MGA: variants seen among roughly 807,000 people sequenced by gnomAD.
MGA encodes the protein MAX dimerization protein MGA, also known as MAX gene-associated protein.
Under a neutral mutation model 261.1 loss-of-function variants are expected in MGA, and 40 were observed. The observed-to-expected ratio is 0.15, with a 90% CI of 0.12 to 0.20. The LOEUF is 0.20. MGA is among the 10% of genes least tolerant of loss of function. MGA has a pLI of 1.00. For synonymous variants in MGA, 1,302 were observed against 1,290.6 expected, an observed-to-expected ratio of 1.01 and a Z score of -0.19; for missense variants, 3,397 against 3,630.5, an observed-to-expected ratio of 0.94 and a Z score of 1.65.
chr15:41,656,344 T>C (rs869271141), upstream of MGA, among the ~76,000 whole-genome samples: 83 of 60,008 alleles, frequency 1.4e-3, 3 homozygotes, highest in African/African-American at 3.6e-3. Flanking sequence ...CTCTCCTCTC[T>C]TCTCTCTCTC....
chr15:41,743,055 G>A lies in MGA; in HGVS notation c.5095G>A (p.Val1699Ile), dbSNP rs776600960. 5.6e-5 allele frequency: 91 copies of A among 1,613,890 alleles called. No homozygotes were observed. The East Asian group carries it at 1.9e-3, about 34-fold the overall frequency. The change falls in exon 15 of 24, where the codon GTC becomes ATC. Residue 1699 changes from valine to isoleucine, a missense_variant. Physicochemically the swap from Val to Ile is conservative, Grantham distance 29. Coordinates refer to ENST00000219905, the MANE Select transcript of MGA (RefSeq NM_001164273.2). ...TGCTTCCACTGCTTCCACCTCCTTAGTCGTGGTGACTGCAGCTGCATCTTC... is the reference window on the plus strand; with the variant it reads ...TGCTTCCACTGCTTCCACCTCCTTAATCGTGGTGACTGCAGCTGCATCTTC...
intron 2 of MGA, among the ~76,000 whole-genome samples, chr15:41,676,689 G>A (rs2058399336): frequency 1.3e-5 from 2 of 152,062 alleles, no homozygotes. Flanking sequence ...TACAAATAAT[G>A]CTTCAGTAAA....
At position 41,708,185 on chromosome 15, in the gene MGA, G is replaced by C. The variant is rs1346236768; in HGVS notation, c.2402G>C (p.Ser801Thr). The C allele has an allele frequency of 1.1e-5, 18 of 1,597,014 alleles. No individual in the cohort carries two copies. Among genetic ancestry groups the C allele is most frequent in the Non-Finnish European group, 1.5e-5 (18 of 1,170,982 alleles). ...AAGGGATGGAGGGGAAAATTTCATAGTGCTTCTGCATCTAGGAATGAAGGT... is the reference window on the plus strand; with the variant it reads ...AAGGGATGGAGGGGAAAATTTCATACTGCTTCTGCATCTAGGAATGAAGGT... The change falls in exon 7 of 24, where the codon AGT becomes ACT. Residue 801 changes from serine to threonine, a missense_variant. Physicochemically the swap from Ser to Thr is moderately conservative, Grantham distance 58 (BLOSUM62 1). This residue lies in a region of MGA where 519 missense variants were observed against 554.1 expected (regional missense o/e 0.94). Transcript: ENST00000219905.
At chr15:41,723,690 G>A (rs868048804) in intron 9 of MGA, among the ~76,000 whole-genome samples, 3 of 152,204 alleles carry the variant, frequency 2.0e-5, no homozygotes, top group African/African-American at 2.4e-5. Context: ...TGGGATTATA[G>A]GTGTGAGCTA....
chr15:41,641,875 A>G (rs7167244), intron 1 of MGA, among the ~76,000 whole-genome samples: 5,006 of 151,430 alleles, frequency 0.033, 140 homozygotes, highest in South Asian at 0.07. Flanking sequence ...AACTTACTGT[A>G]GTCTTGACCT....
chr15:41,622,280 G>C (rs1351819340), intron 1 of MGA, among the ~76,000 whole-genome samples: 1 of 152,056 alleles, frequency 6.6e-6, no homozygotes, highest in Non-Finnish European at 1.5e-5. Flanking sequence ...CATTCAGCTC[G>C]GTAGAGGAGA....
At chr15:41,654,186 A>G (rs1202093413) in intron 1 of MGA, among the ~76,000 whole-genome samples, 1 of 152,130 alleles carries the variant, frequency 6.6e-6, no homozygotes, top group Non-Finnish European at 1.5e-5. Context: ...TGAACATCAA[A>G]TCTTAGCTAT....
In MGA at chr15:41,736,502, G is replaced by C. The variant is rs1567054003; in HGVS notation, c.4238G>C (p.Gly1413Ala). ...CAAGATGATATGGCTGAGAAATCTG[G>C]ATCAGAGACTCCTGATGGTCCATTG... The change falls in exon 13 of 24, where the codon GGA becomes GCA. Residue 1413 changes from glycine (G) to alanine (A), a missense_variant. Coordinates refer to ENST00000219905, the MANE Select transcript of MGA (RefSeq NM_001164273.2). 1 of 1,614,010 alleles carries C rather than the reference G, an allele frequency of 6.2e-7. No homozygotes were observed. The highest frequency in any genetic ancestry group is 8.5e-7 in the Non-Finnish European group (1 of 1,179,902).
intron 2 of MGA, among the ~76,000 whole-genome samples, chr15:41,683,636 T>C (rs1205928894): frequency 1.3e-5 from 2 of 150,672 alleles, no homozygotes; most frequent in African/African-American, 4.9e-5. Flanking sequence ...TGGAGTGCAG[T>C]GGCGCGATCT....
chr15:41,750,751 G>T, intron 17 of MGA, 136 bp downstream of exon 17: 1 of 754,172 alleles, frequency 1.3e-6, no homozygotes, highest in Non-Finnish European at 2.1e-6. Context: ...GACTTAAATG[G>T]CTTAGTAGTT....
chr15:41,628,549 G>T (rs544258503), intron 1 of MGA, among the ~76,000 whole-genome samples: 2 of 152,100 alleles, frequency 1.3e-5, no homozygotes, highest in South Asian at 2.1e-4. Flanking sequence ...AATTGGAAGT[G>T]GTGGGAATAG....
At chr15:41,642,590 T>C (rs2056844888) in intron 1 of MGA, among the ~76,000 whole-genome samples, 1 of 152,012 alleles carries the variant, frequency 6.6e-6, no homozygotes, top group Non-Finnish European at 1.5e-5. Flanking sequence ...TTCAAGCGAT[T>C]CTCCTGTCTC....
At chr15:41,648,558 T>G (rs1339035970) in intron 1 of MGA, among the ~76,000 whole-genome samples, 1 of 152,154 alleles carries the variant, frequency 6.6e-6, no homozygotes, top group African/African-American at 2.4e-5. Context: ...GAAGTGATAT[T>G]TAGACAAACT....
chr15:41,712,234 A>G (rs1472556192), intron 8 of MGA, among the ~76,000 whole-genome samples: 1 of 151,484 alleles, frequency 6.6e-6, no homozygotes, highest in Non-Finnish European at 1.5e-5. Flanking sequence ...ACATTTATTT[A>G]TTTATTTATT....
intron 1 of MGA, among the ~76,000 whole-genome samples, chr15:41,661,608 G>A (rs1016028372): frequency 6.6e-6 from 1 of 152,152 alleles, no homozygotes; most frequent in Non-Finnish European, 1.5e-5. Flanking sequence ...TTATTGGGAA[G>A]ATAACTTTCC....
upstream of MGA, among the ~76,000 whole-genome samples, chr15:41,655,701 T>C (rs1461030972): frequency 6.6e-6 from 1 of 152,196 alleles, no homozygotes; most frequent in African/African-American, 2.4e-5. Context: ...TAGAAAAATA[T>C]TTGTATCTCC....
intron 6 of MGA, 25 bp downstream of exon 6, chr15:41,707,884 C>CA (rs1347632804): frequency 6.3e-7 from 1 of 1,591,242 alleles, no homozygotes; most frequent in Non-Finnish European, 8.5e-7. Flanking sequence ...TTTGTAAAGT[C>CA]AAACACTATT....
chr15:41,674,952 CT>C (rs915748168), intron 2 of MGA, among the ~76,000 whole-genome samples: 2 of 152,088 alleles, frequency 1.3e-5, no homozygotes, highest in South Asian at 2.1e-4. Flanking sequence ...AAATCCTCCC[CT>C]TTTTTTTGCA....
intron 2 of MGA, among the ~76,000 whole-genome samples, chr15:41,690,227 G>A (rs1406565993): frequency 2.0e-5 from 3 of 152,098 alleles, no homozygotes. Context: ...GTTTTACTTA[G>A]CTTGATGTTT....
Sources: gnomAD v4.1 joint callset for allele counts (sites outside exome capture counted in the v4.1 genomes callset) on GRCh38, gnomAD v4.1.1 for gene constraint, gnomAD v4.1.1 regional missense constraint, MANE v1.5 for transcripts, NCBI Gene and HGNC (gene_info 2026-07-23, HGNC 2026-07-21) for gene names.